The following ST6GAL2 variants were observed in gnomAD, a reference collection of about 807,000 sequenced individuals.
The protein encoded by ST6GAL2 is beta-galactoside alpha-2,6-sialyltransferase 2.
ST6GAL2 carries 24 observed loss-of-function variants against 37.5 expected under a neutral mutation model. That is an observed-to-expected ratio of 0.64 (90% confidence interval 0.46 to 0.90). The LOEUF (loss-of-function observed/expected upper bound fraction) is 0.90. Among genes scored for constraint, ST6GAL2 ranks in the 40% least tolerant of loss-of-function variants. The pLI is 0.00. For synonymous variants in ST6GAL2, 306 were observed against 295.1 expected, an observed-to-expected ratio of 1.04 and a Z score of -0.38; for missense variants, 715 against 712.7, an observed-to-expected ratio of 1.00 and a Z score of -0.04.
intron 1 of ST6GAL2, among the ~76,000 whole-genome samples, chr2:106,882,227 T>C (rs1242699359): frequency 2.0e-5 from 3 of 152,232 alleles, no homozygotes; most frequent in African/African-American, 7.2e-5. Flanking sequence ...TGAAAACTGA[T>C]AGTCTTAGTT....
At chr2:106,886,803 C>A (rs1432028425), upstream of ST6GAL2, among the ~76,000 whole-genome samples, 2 of 151,862 alleles carry the variant, frequency 1.3e-5, no homozygotes, top group African/African-American at 2.4e-5. Context: ...CAGCTCGGCC[C>A]GCCGGCGAGC....
At chr2:106,815,040 TA>T in intron 5 of ST6GAL2, among the ~76,000 whole-genome samples, 1 of 152,214 alleles carries the variant, frequency 6.6e-6, no homozygotes, top group East Asian at 1.9e-4. Flanking sequence ...TTTTTAGTTT[TA>T]AAAATACATG....
chr2:106,821,502 CAATT>C (rs1299184069), intron 5 of ST6GAL2, among the ~76,000 whole-genome samples: 1 of 151,740 alleles, frequency 6.6e-6, no homozygotes, highest in Non-Finnish European at 1.5e-5. Context: ...AGACCAGTAA[CAATT>C]AATGAGATCA....
chr2:106,803,336 A>T lies in ST6GAL2; in HGVS notation c.*3342T>A, dbSNP rs1675317361. 1 of 152,118 alleles carries T rather than the reference A, an allele frequency of 6.6e-6. No individual in the cohort carries two copies. The highest frequency in any genetic ancestry group is 1.5e-5 in the Non-Finnish European group (1 of 68,036). 9.4% of individuals were successfully genotyped at this position (152,118 alleles called of 1,614,324 possible). A position where few individuals can be genotyped will look rare whatever the true frequency, so the allele number is the denominator to read the frequency against. On this transcript the variant is annotated 3_prime_UTR_variant, in exon 6 of 6. Coordinates refer to ENST00000409382, the MANE Select transcript of ST6GAL2 (RefSeq NM_001142351.2). ...CAAGGAAAGACCTGGTCGTTCAAAG[A>T]TGTATAAAAGCCCTCCCTTGCCCAT...
intron 1 of ST6GAL2, among the ~76,000 whole-genome samples, chr2:106,865,573 C>A (rs1677992035): frequency 6.6e-6 from 1 of 152,214 alleles, no homozygotes; most frequent in Non-Finnish European, 1.5e-5. Flanking sequence ...AAATTCGTTA[C>A]ACCTCTTCTC....
At chr2:106,810,099 ATCC>A (rs1376644683) in intron 5 of ST6GAL2, among the ~76,000 whole-genome samples, 1 of 152,184 alleles carries the variant, frequency 6.6e-6, no homozygotes, top group Non-Finnish European at 1.5e-5. Flanking sequence ...CATCCTTGCT[ATCC>A]TCTTAGACTC....
At chr2:106,809,435 C>A (rs1253840751) in intron 5 of ST6GAL2, among the ~76,000 whole-genome samples, 1 of 152,192 alleles carries the variant, frequency 6.6e-6, no homozygotes, top group Admixed American at 6.5e-5. Context: ...ACAATGGCGT[C>A]CGTAAGGACT....
chr2:106,816,141 C>T (rs1265978288), intron 5 of ST6GAL2, among the ~76,000 whole-genome samples: 2 of 152,218 alleles, frequency 1.3e-5, no homozygotes, highest in African/African-American at 4.8e-5. Context: ...TATTTTGCTT[C>T]TTTTTATAAG....
intron 1 of ST6GAL2, among the ~76,000 whole-genome samples, chr2:106,850,490 A>G (rs1390574213): frequency 1.3e-5 from 2 of 152,224 alleles, no homozygotes; most frequent in Non-Finnish European, 1.5e-5. Context: ...ATTAGGTCTC[A>G]ACTTTTAATA....
At chr2:106,874,371 T>A (rs1002216302) in intron 1 of ST6GAL2, among the ~76,000 whole-genome samples, 8 of 151,904 alleles carry the variant, frequency 5.3e-5, no homozygotes, top group South Asian at 2.1e-4. Context: ...CAAGGAGAGA[T>A]CCTGAAGGTA....
intron 1 of ST6GAL2, among the ~76,000 whole-genome samples, chr2:106,848,992 T>C (rs1677252239): frequency 6.6e-6 from 1 of 152,196 alleles, no homozygotes; most frequent in Non-Finnish European, 1.5e-5. Context: ...CATATATACC[T>C]GGTCTTGTAT....
At chr2:106,822,324 C>G (rs558166839) in intron 5 of ST6GAL2, among the ~76,000 whole-genome samples, 1 of 152,086 alleles carries the variant, frequency 6.6e-6, no homozygotes. Context: ...GATACAAAAT[C>G]AACATACAAA....
At chr2:106,861,763 C>T (rs558652836) in intron 1 of ST6GAL2, among the ~76,000 whole-genome samples, 7 of 151,954 alleles carry the variant, frequency 4.6e-5, no homozygotes, top group South Asian at 2.1e-4. Flanking sequence ...CCCGAATAGC[C>T]GGGATTCCAG....
chr2:106,815,065 T>C (rs989242752), intron 5 of ST6GAL2, among the ~76,000 whole-genome samples: 3 of 152,198 alleles, frequency 2.0e-5, no homozygotes, highest in Non-Finnish European at 2.9e-5. Flanking sequence ...AGTCCAATAA[T>C]AGGTGTATGA....
chr2:106,878,608 T>TA (rs576172213), intron 1 of ST6GAL2, among the ~76,000 whole-genome samples: 87 of 152,034 alleles, frequency 5.7e-4, no homozygotes, highest in African/African-American at 2.1e-3. Flanking sequence ...CAAATAGAAA[T>TA]AAAAAAACAA....
chr2:106,856,782 C>T (rs1477247717), intron 1 of ST6GAL2, among the ~76,000 whole-genome samples: 1 of 152,206 alleles, frequency 6.6e-6, no homozygotes, highest in African/African-American at 2.4e-5. Flanking sequence ...CATCTGCTCT[C>T]ATCACCTCCC....
intron 1 of ST6GAL2, among the ~76,000 whole-genome samples, chr2:106,852,185 G>T (rs1361983272): frequency 6.6e-6 from 1 of 152,184 alleles, no homozygotes; most frequent in Non-Finnish European, 1.5e-5. Flanking sequence ...AAAGAAAAAG[G>T]TCGGCCAGGT....
At chr2:106,834,626 G>A (rs1676558293) in intron 2 of ST6GAL2, 1 of 153,122 alleles carries the variant, frequency 6.5e-6, no homozygotes, top group African/African-American at 2.4e-5. Context: ...CAGTCCTTAA[G>A]CAGAGATTCT....
chr2:106,862,272 T>C (rs1411387893), intron 1 of ST6GAL2, among the ~76,000 whole-genome samples: 2 of 152,336 alleles, frequency 1.3e-5, no homozygotes, highest in Admixed American at 1.3e-4. Context: ...TGGCAAGATT[T>C]AAATAAAGGC....
Sources: allele counts gnomAD v4.1 joint callset (sites outside exome capture counted in the v4.1 genomes callset), GRCh38; gene constraint gnomAD v4.1.1; transcripts MANE v1.5; gene names NCBI Gene and HGNC (gene_info 2026-07-23, HGNC 2026-07-21).